Variants in SHC2 observed in about 807,000 individuals in gnomAD.
SHC2 encodes the protein SHC-transforming protein 2.
A neutral mutation model predicts 60.6 loss-of-function variants in SHC2; 62 were observed. The ratio of observed to expected loss-of-function variants is 1.02; its 90% confidence interval spans 0.83 to 1.26. SHC2 has a LOEUF of 1.26. Ranked by LOEUF, SHC2 falls within the 50% of genes most tolerant of loss-of-function variation. The probability of loss-of-function intolerance (pLI) is 0.00; values close to 1 mark genes in which losing one functional copy is unlikely to be tolerated. For missense variants in SHC2, 873 were observed against 822.2 expected, an observed-to-expected ratio of 1.06 and a Z score of -0.76; for synonymous variants, 375 against 372.4, an observed-to-expected ratio of 1.01 and a Z score of -0.08.
chr19:425,108 A>G lies in SHC2; in HGVS notation c.1298T>C (p.Leu433Pro), dbSNP rs867130409. 1 of 1,406,080 alleles carries G rather than the reference A, an allele frequency of 7.1e-7. No homozygotes were observed. 87.1% of individuals were successfully genotyped at this position (1,406,080 alleles called of 1,614,324 possible). A position where few individuals can be genotyped will look rare whatever the true frequency, so the allele number is the denominator to read the frequency against. The part of the protein sequence containing the change: ...PEPEDSPKKD[L>P]FDMRPFEDAL... ...AGGCTGCCACATACGCATGTCAAAC[A>G]GATCCTTTTTGGGGCTGTCCTCCGG... is the stretch of plus-strand genomic sequence containing the variant. Residue 433 changes from leucine to proline, a missense_variant, in exon 10 of 13, where the codon CTG (leucine) becomes CCG (proline). Coordinates refer to ENST00000264554, the MANE Select transcript of SHC2 (RefSeq NM_012435.3). The surrounding 1 kb of genome is among the most constrained non-coding windows in gnomAD (Gnocchi z 4.1).
chr19:445,383 G>A lies in SHC2; in HGVS notation c.469-4451C>T, dbSNP rs1039904180. ...GCCCTCTGTAAAGAGGCCCTCGCCA[G>A]ACACTGAATCTTCCGGCGCCTCGAT... On this transcript the variant is annotated intron_variant, in intron 1 of 12. Transcript: ENST00000264554. This position sits in a 1 kb window ranked among gnomAD's most constrained non-coding sequence, Gnocchi z 4.4. Among the ~76,000 whole-genome samples, 1 of 152,220 alleles carries A rather than the reference G, an allele frequency of 6.6e-6. No homozygotes were observed. The highest frequency in any genetic ancestry group is 6.5e-5 in the Admixed American group (1 of 15,282).
At chr19:448,989 C>CA (rs879686895) in intron 1 of SHC2, among the ~76,000 whole-genome samples, 1,820 of 128,128 alleles carry the variant, frequency 0.014, 30 homozygotes, top group African/African-American at 0.045. Flanking sequence ...CCCGTCTCTA[C>CA]AAAAAAAAAA....
chr19:430,443 C>T (rs535587449), intron 9 of SHC2, among the ~76,000 whole-genome samples: 33 of 152,186 alleles, frequency 2.2e-4, no homozygotes, highest in African/African-American at 2.6e-4. Flanking sequence ...CCAACATGCA[C>T]GGAAACCTAA....
chr19:420,392 T>A (rs1021799327), intron 11 of SHC2, among the ~76,000 whole-genome samples: 1 of 152,192 alleles, frequency 6.6e-6, no homozygotes. Context: ...ACCTGAGGAT[T>A]CAGCTGGATG....
At chr19:442,518 G>A (rs1974903270) in intron 1 of SHC2, among the ~76,000 whole-genome samples, 1 of 82,742 alleles carries the variant, frequency 1.2e-5, no homozygotes, top group Non-Finnish European at 2.4e-5. Context: ...TGGATGGATG[G>A]ATGGGTGGGT....
chr19:449,456 T>C (rs1975125625), intron 1 of SHC2, among the ~76,000 whole-genome samples: 1 of 152,206 alleles, frequency 6.6e-6, no homozygotes, highest in Non-Finnish European at 1.5e-5. Context: ...CACATTTGAA[T>C]ACGCACTGAA....
At chr19:419,089 G>T (rs1416687202) in intron 11 of SHC2, 33 bp from the exon 12 acceptor site, 2 of 1,549,436 alleles carry the variant, frequency 1.3e-6, no homozygotes, top group African/African-American at 2.7e-5. Flanking sequence ...TCAGCTCCCG[G>T]GAGCCCGCCT....
chr19:439,746 G>A (rs923947638), intron 2 of SHC2, among the ~76,000 whole-genome samples: 7 of 152,080 alleles, frequency 4.6e-5, no homozygotes, highest in African/African-American at 1.7e-4. Flanking sequence ...ACAAATGCAT[G>A]CAGGCGCGGC....
chr19:458,777 C>T (rs1975456765), intron 1 of SHC2, among the ~76,000 whole-genome samples: 1 of 139,342 alleles, frequency 7.2e-6, no homozygotes, highest in South Asian at 2.3e-4. Context: ...GAGGCGGGTT[C>T]CGGGGAGGCG....
Position 460,981 on chromosome 19 carries a change from C to G in SHC2, c.16G>C (p.Gly6Arg), listed in dbSNP as rs1246995158. The G allele has an allele frequency of 1.0e-6, 1 of 979,154 alleles. No individual in the cohort carries two copies. The highest frequency in any genetic ancestry group is 1.2e-6 in the Non-Finnish European group (1 of 824,362). 60.7% of individuals were successfully genotyped at this position (979,154 alleles called of 1,614,324 possible). The stretch of plus-strand genomic sequence containing the variant: ...GGGGGCGCCGGGGGCGCGCGCCCGC[C>G]CGGACCCTGCGTCATGGCCGCGGCC... MTQGPGGRAPPAPPAP... is the reference protein window; with the variant it reads MTQGPRGRAPPAPPAP... The change falls in exon 1 of 13, where the codon GGC becomes CGC. Residue 6 changes from glycine to arginine, a missense_variant. Transcript: ENST00000264554.
At chr19:444,748 G>A (rs1568294092) in intron 1 of SHC2, among the ~76,000 whole-genome samples, 1 of 151,786 alleles carries the variant, frequency 6.6e-6, no homozygotes, top group African/African-American at 2.4e-5. Context: ...GCTGTGCACA[G>A]CATCCTTTAA....
At position 422,285 on chromosome 19, in the gene SHC2, C is replaced by T. The variant is rs757440052; in HGVS notation, c.1481G>A (p.Arg494His). ...QEPWYHGRMS[R>H]RAAERMLRAD... ...TCGAAGCATCCTCTCTGCCGCCCGG[C>T]GGCTCATCCGGCCGTGGTACCAGGG... is the stretch of plus-strand genomic sequence containing the variant. Residue 494 changes from arginine (R) to histidine (H), a missense_variant, in exon 11 of 13, where the codon CGC (arginine) becomes CAC (histidine). Transcript: ENST00000264554. This position sits in a 1 kb window ranked among gnomAD's most constrained non-coding sequence, Gnocchi z 5.0. 9.3e-6 allele frequency: 15 copies of T among 1,612,210 alleles called. No individual in the cohort carries two copies. Among genetic ancestry groups the T allele is most frequent in the South Asian group, 8.8e-5 (8 of 90,914 alleles).
Position 424,660 on chromosome 19 carries a change from C to T in SHC2, c.1309+437G>A, listed in dbSNP as rs769039310. 2.1e-4 allele frequency among the ~76,000 whole-genome samples: 32 copies of T among 152,318 alleles called. No individual in the cohort carries two copies. Among genetic ancestry groups the T allele is most frequent in the Admixed American group, 1.0e-3 (16 of 15,300 alleles). On this transcript the variant is annotated intron_variant, in intron 10 of 12. Coordinates refer to ENST00000264554, the MANE Select transcript of SHC2 (RefSeq NM_012435.3). This position sits in a 1 kb window ranked among gnomAD's most constrained non-coding sequence, Gnocchi z 4.5. ...TCTTTCAAGGAATGACGAACCTCCT[C>T]CCTTCAGACCGGGGGTTCCGACAGA...
Position 434,751 on chromosome 19 carries a change from C to G in SHC2, c.1068G>C (p.Arg356Ser), listed in dbSNP as rs759688299. 1 of 1,612,606 alleles carries G rather than the reference C, an allele frequency of 6.2e-7. No homozygotes were observed. The highest frequency in any genetic ancestry group is 1.1e-5 in the South Asian group (1 of 91,056). The change falls in exon 8 of 13, where the codon AGG (arginine) becomes AGC (serine). Residue 356 changes from arginine (R) to serine (S), a missense_variant. Coordinates refer to ENST00000264554, the MANE Select transcript of SHC2 (RefSeq NM_012435.3). ...EPPLGGLVDS[R>S]LALTQPCALT... is the part of the protein sequence containing the mutation. ...GGGCGCAGGGCTGTGTCAGGGCCAG[C>G]CTGGAGTCCACTAGCCCGCCCAGCG...
Position 424,999 on chromosome 19 carries a change from A to G in SHC2, c.1309+98T>C. On this transcript the variant is annotated intron_variant, in intron 10 of 12. Transcript: ENST00000264554. This position sits in a 1 kb window ranked among gnomAD's most constrained non-coding sequence, Gnocchi z 4.5. ...GGGAGAAGGGAGCCTCCCCCATCAG[A>G]CCAGGGAATCCCGTAGGGAGTGGGG... The G allele has an allele frequency of 8.0e-7, 1 of 1,244,856 alleles. No homozygotes were observed. The highest frequency in any genetic ancestry group is 3.0e-5 in the South Asian group (1 of 32,874). 77.1% of individuals were successfully genotyped at this position (1,244,856 alleles called of 1,614,324 possible).
At chr19:454,617 T>C (rs1396031225) in intron 1 of SHC2, among the ~76,000 whole-genome samples, 3 of 152,116 alleles carry the variant, frequency 2.0e-5, no homozygotes, top group Non-Finnish European at 4.4e-5. Context: ...TGAAACCCCA[T>C]CTCTACTGAA....
Position 438,837 on chromosome 19 carries a change from C to T in SHC2, c.601G>A (p.Ala201Thr). 1.3e-6 allele frequency: 2 copies of T among 1,565,418 alleles called. No individual in the cohort carries two copies. Among genetic ancestry groups the T allele is most frequent in the Non-Finnish European group, 1.7e-6 (2 of 1,156,142 alleles). The part of the protein sequence containing the change: ...PGVRGSWKKK[A>T]PNKALASVLG... ...ACGGACGCCAGGGCCTTGTTGGGGGCCTGAGTTGGGGGCGGAGCACAGCGA... is the reference window on the plus strand; with the variant it reads ...ACGGACGCCAGGGCCTTGTTGGGGGTCTGAGTTGGGGGCGGAGCACAGCGA... Residue 201 changes from alanine to threonine, a missense_variant and splice_region_variant, in exon 4 of 13, where the codon GCC (alanine) becomes ACC (threonine). By Grantham distance (58) the Ala-to-Thr change is moderately conservative (BLOSUM62 0). Transcript: ENST00000264554. The surrounding 1 kb of genome is among the most constrained non-coding windows in gnomAD (Gnocchi z 5.0).
intron 1 of SHC2, among the ~76,000 whole-genome samples, chr19:443,565 G>A (rs1277290339): frequency 6.8e-6 from 1 of 148,086 alleles, no homozygotes; most frequent in African/African-American, 2.5e-5. Context: ...TAGGTGGATG[G>A]GTGGATGGAC....
intron 1 of SHC2, among the ~76,000 whole-genome samples, chr19:449,376 A>AT (rs1158230096): frequency 6.6e-6 from 1 of 151,642 alleles, no homozygotes; most frequent in Admixed American, 6.6e-5. Context: ...AGAAAAAAAA[A>AT]GGCAGGATGG....
Sources: gnomAD v4.1 joint callset for allele counts (sites outside exome capture counted in the v4.1 genomes callset) on GRCh38, gnomAD v4.1.1 for gene constraint, Gnocchi (gnomAD v3.1) non-coding constraint, MANE v1.5 for transcripts, NCBI Gene and HGNC (gene_info 2026-07-23, HGNC 2026-07-21) for gene names.